GAPVD1: variants seen among roughly 807,000 people sequenced by gnomAD.
GAPVD1 encodes the protein GTPase activating protein and VPS9 domains 1.
In GAPVD1, 35 loss-of-function variants were observed where a neutral mutation model predicts 155.5. The ratio of observed to expected loss-of-function variants is 0.23; its 90% CI spans 0.17 to 0.30. The LOEUF (loss-of-function observed/expected upper bound fraction) is 0.30, where lower values mean the gene tolerates loss of function less well. GAPVD1 is among the 10% of genes least tolerant of loss of function. The pLI is 1.00. For synonymous variants in GAPVD1, 636 were observed against 619.7 expected (o/e 1.03, Z -0.39); for missense variants, 1,429 against 1,775.7 (o/e 0.80, Z 3.51).
At chr9:125,274,686 C>G (rs1201536370) in intron 2 of GAPVD1, among the ~76,000 whole-genome samples, 3 of 151,948 alleles carry the variant, frequency 2.0e-5, no homozygotes, top group Admixed American at 6.6e-5. Context: ...GGTCTTGAAC[C>G]CCCAACCTAA....
chr9:125,310,801 G>T (rs188786855), intron 8 of GAPVD1, among the ~76,000 whole-genome samples: 1 of 149,972 alleles, frequency 6.7e-6, no homozygotes, highest in African/African-American at 2.5e-5. Flanking sequence ...GCCTCCCAAA[G>T]TGCTGAGATT....
rs1214765952 is a variant in GAPVD1 at position 125,299,086 on chromosome 9, G to A, written c.165G>A (p.Leu55=). The A allele has an allele frequency of 6.3e-7, 1 of 1,598,080 alleles. No homozygotes were observed. The highest frequency in any genetic ancestry group is 2.2e-5 in the East Asian group (1 of 44,528). ...AWIAKQQRIN[L]DRLIITSAEA... is the part of the protein sequence containing the mutation. ...TTGCGAAGCAACAGAGAATCAATTTGGATCGGCTTATCATAACCAGGTAAA... is the reference window on the plus strand; with the variant it reads ...TTGCGAAGCAACAGAGAATCAATTTAGATCGGCTTATCATAACCAGGTAAA... Residue 55 remains leucine, a synonymous_variant, in exon 4 of 28, where the codon TTG becomes TTA. Transcript: ENST00000297933.
At chr9:125,327,077 A>G (rs1740304632) in intron 12 of GAPVD1, among the ~76,000 whole-genome samples, 1 of 152,102 alleles carries the variant, frequency 6.6e-6, no homozygotes, top group Non-Finnish European at 1.5e-5. Context: ...CCTAAGGGTA[A>G]CCAGGTTTTT....
intron 5 of GAPVD1, among the ~76,000 whole-genome samples, chr9:125,303,089 A>G (rs1029002103): frequency 2.6e-5 from 4 of 152,062 alleles, no homozygotes; most frequent in African/African-American, 9.7e-5. Flanking sequence ...CAGTGGCGCA[A>G]TCTCAGCTCA....
rs1650700339 is a variant in GAPVD1 at position 125,362,945 on chromosome 9, G to C, written c.*199G>C. The stretch of plus-strand genomic sequence containing the variant: ...CGTCTTTGGGCTCTTTCCTTTCTGA[G>C]TTGCATATTCTATTTTCTTGTCCCC... On this transcript the variant is annotated 3_prime_UTR_variant, in exon 28 of 28. Transcript: ENST00000297933. 1 of 357,858 alleles carries C rather than the reference G, an allele frequency of 2.8e-6. No individual in the cohort carries two copies. Among genetic ancestry groups the C allele is most frequent in the Non-Finnish European group, 5.0e-6 (1 of 198,744 alleles). 22.2% of individuals were successfully genotyped at this position (357,858 alleles called of 1,614,324 possible).
rs1851447086 is a variant in GAPVD1 at position 125,365,903 on chromosome 9, T to G, written c.*3157T>G. On this transcript the variant is annotated 3_prime_UTR_variant, in exon 28 of 28. Transcript: ENST00000297933. ...ATCCGCCTACCTCGGCTTCCCAAAG[T>G]GCTGGGATTATAGGCGTGAGCCACC... is the stretch of plus-strand genomic sequence containing the variant. 1 of 152,290 alleles carries G rather than the reference T, an allele frequency of 6.6e-6. No homozygotes were observed. 9.4% of individuals were successfully genotyped at this position (152,290 alleles called of 1,614,324 possible).
intron 23 of GAPVD1, among the ~76,000 whole-genome samples, 186 bp from the exon 24 acceptor site, chr9:125,354,468 A>T (rs1055072635): frequency 1.3e-5 from 2 of 152,220 alleles, no homozygotes; most frequent in Non-Finnish European, 2.9e-5. Context: ...CACCATGATC[A>T]GTCTCTACCA....
chr9:125,263,268 G>A (rs1588457098), intron 1 of GAPVD1, among the ~76,000 whole-genome samples: 1 of 152,194 alleles, frequency 6.6e-6, no homozygotes, highest in East Asian at 1.9e-4. Flanking sequence ...GGCCAACATG[G>A]TGAAACCCCA....
chr9:125,315,083 T>C (rs1055152981), intron 9 of GAPVD1, among the ~76,000 whole-genome samples: 2 of 152,046 alleles, frequency 1.3e-5, no homozygotes, highest in African/African-American at 4.8e-5. Context: ...CATCGTGCCC[T>C]GCCAGTAGCA....
chr9:125,329,982 A>C, intron 12 of GAPVD1, 96 bp from the exon 13 acceptor site: 7 of 997,114 alleles, frequency 7.0e-6, no homozygotes, highest in Non-Finnish European at 1.0e-5. Context: ...GCGCCCAGCC[A>C]GGAGATTTTG....
intron 25 of GAPVD1, among the ~76,000 whole-genome samples, chr9:125,357,975 T>TAA (rs1325730099): frequency 8.7e-4 from 126 of 144,492 alleles, no homozygotes; most frequent in African/African-American, 2.5e-3. Flanking sequence ...GCTCTGTCTT[T>TAA]AAAAAAAAAA....
In GAPVD1 at chr9:125,343,464, T is replaced by C. The variant is rs115476837; in HGVS notation, c.3046+1165T>C. Among the ~76,000 whole-genome samples the C allele has an allele frequency of 5.0e-3, 763 of 152,338 alleles. 9 individuals carry two copies. The highest frequency in any genetic ancestry group is 0.017 in the African/African-American group (716 of 41,580). On this transcript the variant is annotated intron_variant, in intron 19 of 27. Coordinates refer to ENST00000297933, the MANE Select transcript of GAPVD1 (RefSeq NM_001282680.3). Reference sequence around the variant, plus strand: ...ACATCCTCATCAAAGAGTTCAGCATTACAGGTAGAATCCCATTTTAATGCC... The same window carrying C: ...ACATCCTCATCAAAGAGTTCAGCATCACAGGTAGAATCCCATTTTAATGCC...
At chr9:125,327,020 CTG>C (rs1191778966) in intron 12 of GAPVD1, among the ~76,000 whole-genome samples, 1 of 152,102 alleles carries the variant, frequency 6.6e-6, no homozygotes, top group Non-Finnish European at 1.5e-5. Context: ...TATGATACTG[CTG>C]TTCTCTAAAA....
chr9:125,264,680 T>C (rs779781055), intron 1 of GAPVD1, among the ~76,000 whole-genome samples: 72 of 151,966 alleles, frequency 4.7e-4, no homozygotes, highest in Non-Finnish European at 9.4e-4. Context: ...GAAAAGAAAT[T>C]TTACTGTTTG....
At chr9:125,311,936 T>A (rs2131236495) in intron 8 of GAPVD1, among the ~76,000 whole-genome samples, 1 of 152,210 alleles carries the variant, frequency 6.6e-6, no homozygotes, top group East Asian at 1.9e-4. Flanking sequence ...CCCTGGCTGG[T>A]CTCGAACTCC....
At chr9:125,330,335 T>C (rs1220139639) in intron 13 of GAPVD1, 117 bp downstream of exon 13, 1 of 589,282 alleles carries the variant, frequency 1.7e-6, no homozygotes, top group Non-Finnish European at 2.8e-6. Context: ...TTTTTTTTAA[T>C]GGAGATGGAG....
At chr9:125,288,703 A>G (rs999626981) in intron 2 of GAPVD1, among the ~76,000 whole-genome samples, 1 of 152,182 alleles carries the variant, frequency 6.6e-6, no homozygotes, top group Non-Finnish European at 1.5e-5. Flanking sequence ...TAGCAAGTAC[A>G]TACTGAAGTC....
intron 3 of GAPVD1, among the ~76,000 whole-genome samples, chr9:125,296,827 T>A (rs1369337699): frequency 2.0e-5 from 3 of 151,418 alleles, no homozygotes; most frequent in Admixed American, 6.6e-5. Context: ...GCCTGGTGAA[T>A]TTTTGTATTT....
intron 2 of GAPVD1, among the ~76,000 whole-genome samples, chr9:125,286,015 C>T (rs1298708506): frequency 6.6e-6 from 1 of 151,920 alleles, no homozygotes; most frequent in African/African-American, 2.4e-5. Context: ...GCCATGTTTC[C>T]CAGGCTGGTC....
Sources: allele counts gnomAD v4.1 joint callset (sites outside exome capture counted in the v4.1 genomes callset), GRCh38; gene constraint gnomAD v4.1.1; transcripts MANE v1.5; gene names NCBI Gene and HGNC (gene_info 2026-07-23, HGNC 2026-07-21).